ENTPD5: variants seen among roughly 807,000 people sequenced by gnomAD.
ENTPD5 encodes ectonucleoside triphosphate diphosphohydrolase 5 (inactive), also known as nucleoside diphosphate phosphatase ENTPD5.
Under a neutral mutation model 60.2 loss-of-function variants are expected in ENTPD5, and 49 were observed. The ratio of observed to expected loss-of-function variants is 0.81; its 90% CI spans 0.65 to 1.03. ENTPD5 has a LOEUF of 1.03. ENTPD5 is among the 50% of genes least tolerant of loss of function. ENTPD5 has a pLI of 0.00. For synonymous variants in ENTPD5, 187 were observed against 185.4 expected (o/e 1.01, Z -0.07); for missense variants, 480 against 507.6 (o/e 0.95, Z 0.52).
In ENTPD5 at chr14:73,965,927, AT is replaced by A. The variant is rs1204831423; in HGVS notation, c.*1000del. Reference sequence around the variant, plus strand: ...GTATTGGAAACTCTGAACTAGATAAATAATTCAAAGGATATTAGCTAAAGTG... The same window carrying A: ...GTATTGGAAACTCTGAACTAGATAAAAATTCAAAGGATATTAGCTAAAGTG... On this transcript the variant is annotated 3_prime_UTR_variant, in exon 16 of 16. Coordinates refer to ENST00000334696, the MANE Select transcript of ENTPD5 (RefSeq NM_001249.5). The A allele has an allele frequency of 2.6e-5, 4 of 152,218 alleles. No homozygotes were observed. The highest frequency in any genetic ancestry group is 5.9e-5 in the Non-Finnish European group (4 of 68,062). 9.4% of individuals were successfully genotyped at this position (152,218 alleles called of 1,614,324 possible).
At chr14:73,985,670 A>C (rs1053732620) in intron 5 of ENTPD5, among the ~76,000 whole-genome samples, 3 of 151,740 alleles carry the variant, frequency 2.0e-5, no homozygotes, top group African/African-American at 7.3e-5. Context: ...GATTGTAAAA[A>C]TTTTCTCCCG....
At chr14:73,991,118 T>TC in intron 3 of ENTPD5, among the ~76,000 whole-genome samples, 1 of 152,140 alleles carries the variant, frequency 6.6e-6, no homozygotes, top group South Asian at 2.1e-4. Context: ...GCAACTTTTT[T>TC]CCCCCTCTTT....
At chr14:73,960,319 T>C, downstream of ENTPD5, 2 of 986,442 alleles carry the variant, frequency 2.0e-6, no homozygotes, top group Non-Finnish European at 2.4e-6. Context: ...CCATGGAACA[T>C]CTTTAGTACA....
At chr14:73,976,197 G>T in intron 9 of ENTPD5, 127 bp downstream of exon 9, 1 of 868,546 alleles carries the variant, frequency 1.2e-6, no homozygotes, top group Non-Finnish European at 1.9e-6. Context: ...CATTCACCTA[G>T]TTATTAATTG....
chr14:73,986,315 C>T (rs1020952602), intron 5 of ENTPD5: 3 of 154,178 alleles, frequency 1.9e-5, no homozygotes, highest in African/African-American at 7.2e-5. Flanking sequence ...GAAATATAGT[C>T]GCCACAAACT....
chr14:73,967,985 A>G (rs972984700), intron 15 of ENTPD5, among the ~76,000 whole-genome samples: 28 of 150,140 alleles, frequency 1.9e-4, no homozygotes, highest in African/African-American at 6.4e-4. Flanking sequence ...TTAGCCAGGC[A>G]TGGTGGCGCA....
At chr14:73,984,749 T>C (rs1384484650) in intron 5 of ENTPD5, among the ~76,000 whole-genome samples, 3 of 152,120 alleles carry the variant, frequency 2.0e-5, no homozygotes, top group East Asian at 3.8e-4. Flanking sequence ...CTGACCCTGG[T>C]ATTTTTTTTT....
chr14:74,002,980 A>G (rs2058557653), intron 3 of ENTPD5, among the ~76,000 whole-genome samples: 2 of 152,276 alleles, frequency 1.3e-5, no homozygotes, highest in South Asian at 4.1e-4. Flanking sequence ...CCTTCGCTCT[A>G]AGCTGTCCCC....
At chr14:74,008,986 C>T (rs1218157765) in intron 3 of ENTPD5, 1 of 152,166 alleles carries the variant, frequency 6.6e-6, no homozygotes, top group African/African-American at 2.4e-5. Flanking sequence ...ATCAAAATAT[C>T]ATTAGACACG....
chr14:73,957,367 A>G (rs190079317), downstream of ENTPD5, among the ~76,000 whole-genome samples: 483 of 152,258 alleles, frequency 3.2e-3, 1 homozygote, highest in Non-Finnish European at 5.5e-3. Context: ...TTACAGGCGT[A>G]AGCCACTGTG....
downstream of ENTPD5, chr14:73,960,999 G>T: frequency 1.3e-6 from 1 of 762,880 alleles, no homozygotes; most frequent in South Asian, 1.5e-5. Flanking sequence ...AAACCTCTGG[G>T]GAGTGATGAG....
At chr14:73,978,808 G>C (rs1276313702) in intron 6 of ENTPD5, among the ~76,000 whole-genome samples, 3 of 151,740 alleles carry the variant, frequency 2.0e-5, no homozygotes, top group Non-Finnish European at 4.4e-5. Context: ...TACTTGGGTG[G>C]CTGAGGCAGA....
In ENTPD5 at chr14:73,966,744, T is replaced by C; in HGVS notation, c.*184A>G. ...TGGCTCACAGGGCTCTCTGTGATGC[T>C]CTGGTGCCAGCTGTGTACTCTTGAG... On this transcript the variant is annotated 3_prime_UTR_variant, in exon 16 of 16. Coordinates refer to ENST00000334696, the MANE Select transcript of ENTPD5 (RefSeq NM_001249.5). 1.9e-6 allele frequency: 1 copy of C among 533,580 alleles called. No individual in the cohort carries two copies. The highest frequency in any genetic ancestry group is 3.1e-5 in the East Asian group (1 of 31,840). The allele number at this position is 533,580 out of a possible 1,614,324, so 33.1% of individuals were successfully genotyped here.
At chr14:73,957,912 A>G, downstream of ENTPD5, 1 of 492,180 alleles carries the variant, frequency 2.0e-6, no homozygotes, top group East Asian at 4.0e-5. Flanking sequence ...ACAGTAAGAA[A>G]GAGTGCCTCT....
At chr14:73,979,978 C>T (rs962724227) in intron 6 of ENTPD5, among the ~76,000 whole-genome samples, 1 of 138,900 alleles carries the variant, frequency 7.2e-6, no homozygotes, top group African/African-American at 2.7e-5. Context: ...CAGAGTTTCA[C>T]TCTTGTCACC....
At chr14:73,968,425 CT>C (rs34108477) in intron 15 of ENTPD5, among the ~76,000 whole-genome samples, 55,992 of 133,342 alleles carry the variant, frequency 0.42, 11,026 homozygotes, top group East Asian at 0.7. Context: ...TACTGATACT[CT>C]TTTTTTTTTT....
At chr14:73,959,233 T>C, downstream of ENTPD5, 1 of 1,614,176 alleles carries the variant, frequency 6.2e-7, no homozygotes, top group Non-Finnish European at 8.5e-7. Context: ...CGGTAAGAGG[T>C]CCTTCTGACC....
chr14:73,976,609 T>G (rs952035687), intron 8 of ENTPD5, among the ~76,000 whole-genome samples, 197 bp from the exon 9 acceptor site: 1 of 151,870 alleles, frequency 6.6e-6, no homozygotes, highest in African/African-American at 2.4e-5. Flanking sequence ...TTTTTTTTTT[T>G]GGAAGGCCTT....
chr14:74,016,640 A>C (rs2059024588), intron 1 of ENTPD5, among the ~76,000 whole-genome samples: 1 of 152,202 alleles, frequency 6.6e-6, no homozygotes, highest in Non-Finnish European at 1.5e-5. Flanking sequence ...TCTCAAAAAA[A>C]CCATCAAAAA....
Sources: allele counts gnomAD v4.1 joint callset (sites outside exome capture counted in the v4.1 genomes callset), GRCh38; gene constraint gnomAD v4.1.1; transcripts MANE v1.5; gene names NCBI Gene and HGNC (gene_info 2026-07-23, HGNC 2026-07-21).